Variants in MPP7 observed in about 807,000 individuals in gnomAD.
MPP7 encodes MAGUK p55 subfamily member 7.
MPP7 carries 60 observed loss-of-function variants against 76.5 expected under a neutral mutation model. That is an observed-to-expected ratio of 0.78 (90% CI 0.64 to 0.97). The LOEUF (loss-of-function observed/expected upper bound fraction) is 0.97, where lower values mean the gene tolerates loss of function less well. MPP7 is among the 50% of genes least tolerant of loss of function. The pLI is 0.00. For missense variants in MPP7, 641 were observed against 694.0 expected (o/e 0.92, Z 0.86); for synonymous variants, 237 against 244.5 (o/e 0.97, Z 0.29).
chr10:28,097,334 AAAT>A (rs753639400), intron 11 of MPP7, among the ~76,000 whole-genome samples: 15 of 152,104 alleles, frequency 9.9e-5, no homozygotes, highest in South Asian at 4.2e-4. Context: ...TAATAATATC[AAAT>A]AATAATAATA....
chr10:28,159,568 G>C, intron 3 of MPP7, among the ~76,000 whole-genome samples: 1 of 152,136 alleles, frequency 6.6e-6, no homozygotes, highest in East Asian at 1.9e-4. Context: ...TATCTACTGG[G>C]ACACGCTGCT....
At chr10:28,258,220 T>C (rs1208086821) in intron 1 of MPP7, among the ~76,000 whole-genome samples, 1 of 147,772 alleles carries the variant, frequency 6.8e-6, no homozygotes, top group Non-Finnish European at 1.5e-5. Context: ...CCTTTTCAAG[T>C]AGAGTCAAGG....
intron 1 of MPP7, among the ~76,000 whole-genome samples, chr10:28,262,038 C>A (rs1839967234): frequency 6.6e-6 from 1 of 150,872 alleles, no homozygotes; most frequent in Non-Finnish European, 1.5e-5. Flanking sequence ...GTAGTCCCAG[C>A]TACTCAGGAG....
At chr10:28,124,718 C>G (rs1298809191) in intron 7 of MPP7, among the ~76,000 whole-genome samples, 1 of 151,604 alleles carries the variant, frequency 6.6e-6, no homozygotes, top group African/African-American at 2.4e-5. Flanking sequence ...CTCCTGACCT[C>G]GTGATCCACC....
chr10:28,269,509 G>T (rs1158820478), intron 1 of MPP7, among the ~76,000 whole-genome samples: 4 of 150,154 alleles, frequency 2.7e-5, no homozygotes, highest in Admixed American at 2.0e-4. Flanking sequence ...TTCACAGTTT[G>T]AATATTTGTT....
At chr10:28,307,713 C>T (rs1004228859), upstream of MPP7, 1 of 152,200 alleles carries the variant, frequency 6.6e-6, no homozygotes, top group African/African-American at 2.4e-5. Context: ...CACTTTCAAG[C>T]TTCATTCACA....
At chr10:28,244,947 T>C (rs1839385550) in intron 1 of MPP7, among the ~76,000 whole-genome samples, 1 of 152,188 alleles carries the variant, frequency 6.6e-6, no homozygotes, top group Non-Finnish European at 1.5e-5. Context: ...GAGTGCACCA[T>C]GACCCCATTT....
Position 28,301,315 on chromosome 10 carries a change from G to A in MPP7, c.-132+1546C>T, listed in dbSNP as rs982864526. The stretch of plus-strand genomic sequence containing the variant: ...CGAAATTCAATGCTGAGCTAGAGAT[G>A]CAAACACAAATAAGGTTCTCTAATT... On this transcript the variant is annotated intron_variant, in intron 1 of 16. Transcript: ENST00000683449. 9.2e-5 allele frequency among the ~76,000 whole-genome samples: 14 copies of A among 152,246 alleles called. No homozygotes were observed. The East Asian group carries it at 2.1e-3, about 23-fold the overall frequency.
chr10:28,175,281 T>C (rs978650004), intron 3 of MPP7, among the ~76,000 whole-genome samples: 8 of 150,234 alleles, frequency 5.3e-5, no homozygotes, highest in African/African-American at 1.7e-4. Flanking sequence ...CAGAGTGAGA[T>C]GTCGTCTCAA....
At chr10:28,210,217 C>T (rs1160013725) in intron 2 of MPP7, among the ~76,000 whole-genome samples, 6 of 152,190 alleles carry the variant, frequency 3.9e-5, no homozygotes, top group Admixed American at 2.6e-4. Flanking sequence ...TCCATAATCA[C>T]GTGAGTGAAT....
At chr10:28,310,757 AC>A (rs1404333645) in intron 2 of MPP7, among the ~76,000 whole-genome samples, 1 of 152,090 alleles carries the variant, frequency 6.6e-6, no homozygotes, top group African/African-American at 2.4e-5. Context: ...ATGGTAGAGG[AC>A]CCTCAGGTAT....
At chr10:28,179,179 AC>A in intron 3 of MPP7, among the ~76,000 whole-genome samples, 2 of 151,990 alleles carry the variant, frequency 1.3e-5, no homozygotes, top group Admixed American at 1.3e-4. Context: ...CCTCCAACAC[AC>A]TCACACTGGT....
At chr10:28,314,539 T>C (rs992143041) in intron 2 of MPP7, among the ~76,000 whole-genome samples, 4 of 152,204 alleles carry the variant, frequency 2.6e-5, no homozygotes, top group African/African-American at 9.7e-5. Flanking sequence ...GAATCTAGAA[T>C]GAAGTCCAAA....
chr10:28,056,438 T>C (rs1411913193), intron 16 of MPP7, 42 bp downstream of exon 16: 1 of 1,590,078 alleles, frequency 6.3e-7, no homozygotes, highest in South Asian at 1.1e-5. Flanking sequence ...GGATTACAGG[T>C]GTGGGCCACC....
intron 11 of MPP7, among the ~76,000 whole-genome samples, chr10:28,095,467 C>T (rs1853525384): frequency 6.6e-6 from 1 of 152,084 alleles, no homozygotes; most frequent in Non-Finnish European, 1.5e-5. Flanking sequence ...TTCACATGTC[C>T]TTCAAGGCAG....
At chr10:28,231,869 C>T (rs6481514) in intron 2 of MPP7, among the ~76,000 whole-genome samples, 26,367 of 152,118 alleles carry the variant, frequency 0.17, 2,591 homozygotes, top group African/African-American at 0.26. Flanking sequence ...CAATACACTA[C>T]ACGAGACCAG....
chr10:28,132,457 G>T (rs1588827215), intron 5 of MPP7, among the ~76,000 whole-genome samples: 1 of 152,076 alleles, frequency 6.6e-6, no homozygotes, highest in Non-Finnish European at 1.5e-5. Context: ...TAGACACAAG[G>T]TCTTGCTCTG....
intron 2 of MPP7, among the ~76,000 whole-genome samples, chr10:28,230,922 A>T (rs1018169415): frequency 1.3e-5 from 2 of 152,222 alleles, no homozygotes; most frequent in Non-Finnish European, 2.9e-5. Context: ...CTGAAGGAAT[A>T]AGCAGCAGCA....
intron 8 of MPP7, among the ~76,000 whole-genome samples, chr10:28,123,757 C>T (rs1357081011): frequency 6.6e-6 from 1 of 152,036 alleles, no homozygotes; most frequent in Admixed American, 6.6e-5. Context: ...CAGATATAAG[C>T]CACCACACTC....
Sources: allele counts gnomAD v4.1 joint callset (sites outside exome capture counted in the v4.1 genomes callset), GRCh38; gene constraint gnomAD v4.1.1; transcripts MANE v1.5; gene names NCBI Gene and HGNC (gene_info 2026-07-23, HGNC 2026-07-21).